APC2: variants seen among roughly 807,000 people sequenced by gnomAD.
APC2 encodes adenomatous polyposis coli protein 2.
A neutral mutation model predicts 72.5 loss-of-function variants in APC2; 41 were observed. That is an observed-to-expected ratio of 0.57 (90% CI 0.44 to 0.73). The LOEUF is 0.73. APC2 is among the 30% of genes least tolerant of loss of function. The pLI, the probability that APC2 is intolerant of heterozygous loss-of-function variation, is 0.00. For missense variants in APC2, 3,729 were observed against 3,403.4 expected, an observed-to-expected ratio of 1.10 and a Z score of -2.38; for synonymous variants, 1,898 against 1,612.0, an observed-to-expected ratio of 1.18 and a Z score of -4.25.
In APC2 at chr19:1,467,712, C is replaced by T. The variant is rs532987323; in HGVS notation, c.4411C>T (p.Arg1471Trp). Residue 1471 changes from arginine to tryptophan, a missense_variant, in exon 15 of 15, where the codon CGG becomes TGG. Transcript: ENST00000590469. ...AGCAGGGCTGGAGCTGCCCCTGGGCCGGCCCCCGAGCGCCCCCGCAGACAA... is the reference window on the plus strand; with the variant it reads ...AGCAGGGCTGGAGCTGCCCCTGGGCTGGCCCCCGAGCGCCCCCGCAGACAA... ...NRAGLELPLG[R>W]PPSAPADKDG... 1.6e-4 allele frequency: 230 copies of T among 1,443,146 alleles called. 1 individual carries two copies. The East Asian group carries it at 5.7e-3, about 36-fold the overall frequency. 89.4% of individuals were successfully genotyped at this position (1,443,146 alleles called of 1,614,324 possible).
chr19:1,447,097 G>T (rs972392271), upstream of APC2, among the ~76,000 whole-genome samples: 1 of 152,188 alleles, frequency 6.6e-6, no homozygotes, highest in Admixed American at 6.5e-5. Context: ...CGGCGGTCAG[G>T]CTTCAGGGCG....
rs750899180 is a variant in APC2 at position 1,455,224 on chromosome 19, C to T, written c.489C>T (p.Ser163=). 8.8e-6 allele frequency: 14 copies of T among 1,582,066 alleles called. No homozygotes were observed. Among genetic ancestry groups the T allele is most frequent in the Non-Finnish European group, 1.2e-5 (14 of 1,169,974 alleles). Residue 163 remains serine, a synonymous_variant, in exon 5 of 15, where the codon TCC becomes TCT. Transcript: ENST00000590469. ...LWYYSQLQGL[S]KRLDELPHVE... is the part of the protein sequence containing the mutation. ...ACTACTCTCAGCTGCAGGGCCTGTCCAAGCGCCTGGACGAGCTGCCGCACG... is the reference window on the plus strand; with the variant it reads ...ACTACTCTCAGCTGCAGGGCCTGTCTAAGCGCCTGGACGAGCTGCCGCACG...
Position 1,467,778 on chromosome 19 carries a change from C to T in APC2, c.4477C>T (p.Leu1493Phe). 1 of 1,436,214 alleles carries T rather than the reference C, an allele frequency of 7.0e-7. No homozygotes were observed. Among genetic ancestry groups the T allele is most frequent in the South Asian group, 1.4e-5 (1 of 69,978 alleles). 89.0% of individuals were successfully genotyped at this position (1,436,214 alleles called of 1,614,324 possible). ...CGGCCGGACCCGCGGGGACGGGGCG[C>T]TCCAGTCGCTGTGCCTCACGACGCC... ...KPGRTRGDGA[L>F]QSLCLTTPTE... The change falls in exon 15 of 15, where the codon CTC (leucine) becomes TTC (phenylalanine). Residue 1493 changes from leucine to phenylalanine, a missense_variant. Leu to Phe is a conservative substitution (Grantham distance 22). Transcript: ENST00000590469.
chr19:1,446,549 C>G (rs991798143), upstream of APC2, among the ~76,000 whole-genome samples: 220 of 151,838 alleles, frequency 1.4e-3, 9 homozygotes, highest in Admixed American at 0.014. This position sits in a 1 kb window ranked among gnomAD's most constrained non-coding sequence, Gnocchi z 6.1. Flanking sequence ...AAGCCCCTCT[C>G]GTGCGCCGCT....
At chr19:1,454,563 C>CTTTTCTTTTTTTTTTTTTTT (rs1569140915) in intron 4 of APC2, among the ~76,000 whole-genome samples, 2 of 116,172 alleles carry the variant, frequency 1.7e-5, no homozygotes, top group Non-Finnish European at 3.4e-5. Context: ...ATCTTTTGTA[C>CTTTTCTTTTTTTTTTTTTTT]TTTTTTTTTT....
Position 1,467,860 on chromosome 19 carries a change from C to A in APC2, c.4559C>A (p.Ala1520Glu). The A allele has an allele frequency of 5.8e-6, 9 of 1,548,836 alleles. No individual in the cohort carries two copies. Among genetic ancestry groups the A allele is most frequent in the South Asian group, 1.2e-5 (1 of 84,522 alleles). ...AACGACTCGGACGAGGAGCCCCCGG[C>A]GGCCGCGCCCACGCCAACCCACCGG... ...YGNDSDEEPP[A>E]AAPTPTHRRT... is the part of the protein sequence containing the mutation. The change falls in exon 15 of 15, where the codon GCG (alanine) becomes GAG (glutamate). Residue 1520 changes from alanine (A) to glutamate (E), a missense_variant. Coordinates refer to ENST00000590469, the MANE Select transcript of APC2 (RefSeq NM_005883.3).
Position 1,469,802 on chromosome 19 carries a change from G to A in APC2, c.6501G>A (p.Leu2167=), listed in dbSNP as rs1283119570. The part of the protein sequence containing the change: ...ILRSTLPATA[L]PLRGSTPEDA... Reference sequence around the variant, plus strand: ...GCAGCACGCTTCCCGCCACGGCCCTGCCACTGCGGGGCTCCACGCCCGAGG... The same window carrying A: ...GCAGCACGCTTCCCGCCACGGCCCTACCACTGCGGGGCTCCACGCCCGAGG... Residue 2167 remains leucine, a synonymous_variant, in exon 15 of 15, where the codon CTG becomes CTA. Transcript: ENST00000590469. The A allele has an allele frequency of 1.3e-6, 2 of 1,521,088 alleles. No homozygotes were observed. Among genetic ancestry groups the A allele is most frequent in the South Asian group, 2.4e-5 (2 of 83,234 alleles). 94.2% of individuals were successfully genotyped at this position (1,521,088 alleles called of 1,614,324 possible). A position where few individuals can be genotyped will look rare whatever the true frequency, so the allele number is the denominator to read the frequency against.
rs2145242763 is a variant in APC2 at position 1,467,249 on chromosome 19, A to G, written c.3948A>G (p.Ala1316=). 6 of 1,317,778 alleles carry G rather than the reference A, an allele frequency of 4.6e-6. No homozygotes were observed. The highest frequency in any genetic ancestry group is 5.8e-6 in the Non-Finnish European group (6 of 1,039,290). The allele number at this position is 1,317,778 out of a possible 1,614,324, so 81.6% of individuals were successfully genotyped here. A position where few individuals can be genotyped will look rare whatever the true frequency, so the allele number is the denominator to read the frequency against. Residue 1316 remains alanine, a synonymous_variant, in exon 15 of 15, where the codon GCA becomes GCG. Transcript: ENST00000590469. The part of the protein sequence containing the change: ...GGAGGAGLHF[A]GHRRREEGPA... ...CCGGGGGCGCCGGCCTCCACTTTGC[A>G]GGGCACCGGCGGCGGGAGGAGGGGC...
In APC2 at chr19:1,457,125, G is replaced by C. The variant is rs1172221337; in HGVS notation, c.1089G>C (p.Leu363=). Residue 363 remains leucine (L), a synonymous_variant, in exon 9 of 15, where the codon CTG becomes CTC. Coordinates refer to ENST00000590469, the MANE Select transcript of APC2 (RefSeq NM_005883.3). ...NIVFSQPDQG[L]ARKEMRVLHV... ...TCTTCTCGCAGCCGGACCAGGGCCT[G>C]GCGCGCAAGGAGATGCGCGTCCTGC... 5 of 1,588,738 alleles carry C rather than the reference G, an allele frequency of 3.1e-6. No individual in the cohort carries two copies. In the Admixed American group the frequency reaches 8.7e-5, roughly 28 times the overall value.
Position 1,468,711 on chromosome 19 carries a change from C to G in APC2, c.5410C>G (p.Gln1804Glu). 6.5e-7 allele frequency: 1 copy of G among 1,530,382 alleles called. No individual in the cohort carries two copies. The highest frequency in any genetic ancestry group is 8.8e-7 in the Non-Finnish European group (1 of 1,133,040). The allele number at this position is 1,530,382 out of a possible 1,614,324, so 94.8% of individuals were successfully genotyped here. A position where few individuals can be genotyped will look rare whatever the true frequency, so the allele number is the denominator to read the frequency against. The change falls in exon 15 of 15, where the codon CAG (glutamine) becomes GAG (glutamate). Residue 1804 changes from glutamine (Q) to glutamate (E), a missense_variant. By Grantham distance (29) the Gln-to-Glu change is conservative. Transcript: ENST00000590469. The part of the protein sequence containing the change: ...IYVPSPAPRA[Q>E]PKGTPGPRAT... The stretch of plus-strand genomic sequence containing the variant: ...CGTCCCCAGCCCGGCACCCCGTGCC[C>G]AGCCCAAAGGGACCCCCGGCCCCCG...
Position 1,467,293 on chromosome 19 carries a change from G to A in APC2, c.3992G>A (p.Arg1331His), listed in dbSNP as rs962278969. ...REEGPAPTGS[R>H]PRGAADQELE... Reference sequence around the variant, plus strand: ...GAGGGGCCGGCGCCCACGGGTTCTCGCCCTCGCGGCGCCGCGGACCAGGAG... The same window carrying A: ...GAGGGGCCGGCGCCCACGGGTTCTCACCCTCGCGGCGCCGCGGACCAGGAG... The change falls in exon 15 of 15, where the codon CGC becomes CAC. Residue 1331 changes from arginine (R) to histidine (H), a missense_variant. Transcript: ENST00000590469. 146 of 1,321,644 alleles carry A rather than the reference G, an allele frequency of 1.1e-4. No individual in the cohort carries two copies. The highest frequency in any genetic ancestry group is 1.3e-4 in the Non-Finnish European group (140 of 1,039,826). The allele number at this position is 1,321,644 out of a possible 1,614,324, so 81.9% of individuals were successfully genotyped here. A position where few individuals can be genotyped will look rare whatever the true frequency, so the allele number is the denominator to read the frequency against.
intron 6 of APC2, 42 bp from the exon 7 acceptor site, chr19:1,456,034 C>A: frequency 4.0e-6 from 6 of 1,508,380 alleles, no homozygotes; most frequent in Non-Finnish European, 4.4e-6. Flanking sequence ...GAGCCGGGGG[C>A]GGGGTCAGCT....
upstream of APC2, among the ~76,000 whole-genome samples, chr19:1,447,391 G>T (rs1025920984): frequency 1.3e-5 from 2 of 152,184 alleles, no homozygotes; most frequent in Non-Finnish European, 2.9e-5. Context: ...GACTTGCGGG[G>T]AGGTGTCACA....
rs756112717 is a variant in APC2 at position 1,465,166 on chromosome 19, G to T, written c.1865G>T (p.Arg622Leu). The change falls in exon 15 of 15, where the codon CGG (arginine) becomes CTG (leucine). Residue 622 changes from arginine to leucine, a missense_variant. Physicochemically the swap from Arg to Leu is moderately radical, Grantham distance 102. Transcript: ENST00000590469. ...CCCTGTGCCTACAGGCAGGTGCTCC[G>T]GGATCACAACTGTCTGCAGACGCTG... ...ATREDYRQVLRDHNCLQTLLQ... is the reference protein window; with the variant it reads ...ATREDYRQVLLDHNCLQTLLQ... 1.2e-6 allele frequency: 2 copies of T among 1,600,760 alleles called. No homozygotes were observed. The highest frequency in any genetic ancestry group is 8.5e-7 in the Non-Finnish European group (1 of 1,174,740).
chr19:1,453,237 G>C lies in APC2; in HGVS notation c.142-10G>C. On this transcript the variant is annotated splice_polypyrimidine_tract_variant and intron_variant, in intron 2 of 14. Transcript: ENST00000590469. ...CTGATGGCTTCCCGCCCTCTTTCCC[G>C]CCCCTGCAGGAGGTCCTGAAGCACC... 2 of 1,559,042 alleles carry C rather than the reference G, an allele frequency of 1.3e-6. No homozygotes were observed. The highest frequency in any genetic ancestry group is 4.8e-5 in the East Asian group (2 of 41,520).
intron 7 of APC2, 74 bp downstream of exon 7, chr19:1,456,227 C>A (rs1333916539): frequency 6.5e-7 from 1 of 1,549,340 alleles, no homozygotes; most frequent in Non-Finnish European, 8.7e-7. Context: ...GAGTTCTGCC[C>A]GCCCCCGCCC....
chr19:1,456,912 G>A lies in APC2; in HGVS notation c.876G>A (p.Ala292=), dbSNP rs746605923. ...CGACGCGCGACCAGGAGGATACAGCGCGCACGCTGCTGGCCATGTCCAGCT... is the reference window on the plus strand; with the variant it reads ...CGACGCGCGACCAGGAGGATACAGCACGCACGCTGCTGGCCATGTCCAGCT... ...MLATRDQEDT[A]RTLLAMSSSP... Residue 292 remains alanine, a synonymous_variant, in exon 9 of 15, where the codon GCG becomes GCA. Transcript: ENST00000590469. 3.2e-6 allele frequency: 5 copies of A among 1,578,800 alleles called. No homozygotes were observed. The highest frequency in any genetic ancestry group is 1.8e-5 in the Admixed American group (1 of 56,980).
At position 1,456,395 on chromosome 19, in the gene APC2, C is replaced by T. The variant is rs781567744; in HGVS notation, c.807C>T (p.Gly269=). 1.9e-6 allele frequency: 3 copies of T among 1,602,058 alleles called. No homozygotes were observed. The highest frequency in any genetic ancestry group is 1.9e-4 in the Middle Eastern group (1 of 5,178). The change falls in exon 8 of 15, where the codon GGC becomes GGT. Residue 269 remains glycine (G), a synonymous_variant. Coordinates refer to ENST00000590469, the MANE Select transcript of APC2 (RefSeq NM_005883.3). ...THPEDGTPQP[G]NSKVEVVFWL... Reference sequence around the variant, plus strand: ...CTGAGGATGGCACCCCTCAGCCGGGCAACAGCAAGGTGAGGGGGAGGGTGA... The same window carrying T: ...CTGAGGATGGCACCCCTCAGCCGGGTAACAGCAAGGTGAGGGGGAGGGTGA...
upstream of APC2, among the ~76,000 whole-genome samples, chr19:1,449,514 CAGAA>C (rs2083717716): frequency 6.6e-6 from 1 of 152,150 alleles, no homozygotes; most frequent in Non-Finnish European, 1.5e-5. Flanking sequence ...GAGGGGGAGA[CAGAA>C]AGAGAGAGGG....
Sources: allele counts gnomAD v4.1 joint callset (sites outside exome capture counted in the v4.1 genomes callset), GRCh38; gene constraint gnomAD v4.1.1; non-coding constraint Gnocchi (gnomAD v3.1); transcripts MANE v1.5; gene names NCBI Gene and HGNC (gene_info 2026-07-23, HGNC 2026-07-21).